Variants in PTPN9 observed in about 807,000 individuals in gnomAD.
The protein encoded by PTPN9 is protein tyrosine phosphatase non-receptor type 9, also known as tyrosine-protein phosphatase non-receptor type 9.
In PTPN9, 26 loss-of-function variants were observed where a neutral mutation model predicts 69.8. That is an observed-to-expected ratio of 0.37 (90% CI 0.27 to 0.52). The LOEUF (loss-of-function observed/expected upper bound fraction) is 0.52. Among genes scored for constraint, PTPN9 ranks in the 20% least tolerant of loss-of-function variants. The probability of loss-of-function intolerance (pLI) is 0.91; values close to 1 mark genes in which losing one functional copy is unlikely to be tolerated. For missense variants in PTPN9, 549 were observed against 740.3 expected, an observed-to-expected ratio of 0.74 and a Z score of 3.00; for synonymous variants, 274 against 272.5, an observed-to-expected ratio of 1.01 and a Z score of -0.05.
At chr15:75,518,994 T>C (rs1475386126) in intron 4 of PTPN9, among the ~76,000 whole-genome samples, 1 of 152,160 alleles carries the variant, frequency 6.6e-6, no homozygotes, top group Non-Finnish European at 1.5e-5. Context: ...AAATGGTCAT[T>C]AGGATAAATT....
intron 11 of PTPN9, 23 bp from the exon 12 acceptor site, chr15:75,470,022 C>A: frequency 6.3e-7 from 1 of 1,583,054 alleles, no homozygotes; most frequent in Non-Finnish European, 8.7e-7. Flanking sequence ...AAGAAGTAAA[C>A]GTTAACAAGG....
intron 1 of PTPN9, among the ~76,000 whole-genome samples, chr15:75,536,572 G>T (rs921513481): frequency 6.6e-6 from 1 of 152,114 alleles, no homozygotes; most frequent in Non-Finnish European, 1.5e-5. Context: ...TCAAATCAGG[G>T]TCATGAAAGA....
intron 7 of PTPN9, among the ~76,000 whole-genome samples, chr15:75,503,586 A>C (rs2074789208): frequency 7.5e-6 from 1 of 133,100 alleles, no homozygotes; most frequent in Non-Finnish European, 1.6e-5. Flanking sequence ...TCCGTCCGGG[A>C]GGGAGGTGGG....
rs993396327 is a variant in PTPN9, at chr15:75,578,807, C to G, written c.-31G>C. ...CGCCACCGCCGCCGGGCGGACAAAA[C>G]TCGCTCGCGAGCGCGGGAGCCCGGC... On this transcript the variant is annotated 5_prime_UTR_variant, in exon 1 of 13. Transcript: ENST00000618819. 1 of 1,213,200 alleles carries G rather than the reference C, an allele frequency of 8.2e-7. No individual in the cohort carries two copies. Among genetic ancestry groups the G allele is most frequent in the Non-Finnish European group, 1.0e-6 (1 of 975,394 alleles). The allele number at this position is 1,213,200 out of a possible 1,614,324, so 75.2% of individuals were successfully genotyped here. A position where few individuals can be genotyped will look rare whatever the true frequency, so the allele number is the denominator to read the frequency against.
chr15:75,568,401 G>A (rs1490038378), intron 1 of PTPN9, among the ~76,000 whole-genome samples: 1 of 151,634 alleles, frequency 6.6e-6, no homozygotes, highest in Non-Finnish European at 1.5e-5. Flanking sequence ...CCAGCTTCTT[G>A]GGAGGCTGAG....
Position 75,524,191 on chromosome 15 carries a change from A to C in PTPN9, c.297+18T>G. The C allele has an allele frequency of 1.3e-6, 2 of 1,496,820 alleles. No individual in the cohort carries two copies. The highest frequency in any genetic ancestry group is 1.8e-6 in the Non-Finnish European group (2 of 1,081,538). 92.7% of individuals were successfully genotyped at this position (1,496,820 alleles called of 1,614,324 possible). On this transcript the variant is annotated intron_variant, in intron 3 of 12. Coordinates refer to ENST00000618819, the MANE Select transcript of PTPN9 (RefSeq NM_002833.4). ...AGGAAGTAATAAGGCCCTACAAGATAGGTCCCTAAACACTCACTAAGATGG... is the reference window on the plus strand; with the variant it reads ...AGGAAGTAATAAGGCCCTACAAGATCGGTCCCTAAACACTCACTAAGATGG...
At chr15:75,562,079 C>G (rs1391355140) in intron 1 of PTPN9, among the ~76,000 whole-genome samples, 1 of 152,146 alleles carries the variant, frequency 6.6e-6, no homozygotes, top group African/African-American at 2.4e-5. Context: ...TCTCAAACTC[C>G]TGGCCTCAGA....
intron 1 of PTPN9, among the ~76,000 whole-genome samples, chr15:75,550,739 G>A (rs1040113532): frequency 7.2e-5 from 11 of 151,994 alleles, no homozygotes; most frequent in South Asian, 4.1e-4. Flanking sequence ...AGCCAAGATC[G>A]CACCACTGCA....
At chr15:75,537,195 T>C (rs1028358108) in intron 1 of PTPN9, among the ~76,000 whole-genome samples, 1 of 150,444 alleles carries the variant, frequency 6.6e-6, no homozygotes, top group African/African-American at 2.5e-5. Flanking sequence ...CTACTAAAAA[T>C]ACAAAACTTA....
At chr15:75,507,401 ATGCCAT>A (rs1241446388) in intron 6 of PTPN9, among the ~76,000 whole-genome samples, 1 of 145,472 alleles carries the variant, frequency 6.9e-6, no homozygotes, top group African/African-American at 2.6e-5. Context: ...AGCCAAGATC[ATGCCAT>A]TGCACTCTAG....
chr15:75,502,859 A>G (rs1236228907), intron 7 of PTPN9, among the ~76,000 whole-genome samples: 6 of 152,310 alleles, frequency 3.9e-5, no homozygotes, highest in African/African-American at 1.4e-4. Context: ...AAAATATCCA[A>G]AAATATGTCC....
intron 10 of PTPN9, among the ~76,000 whole-genome samples, 155 bp downstream of exon 10, chr15:75,473,534 C>T (rs1182040130): frequency 6.6e-6 from 1 of 152,198 alleles, no homozygotes. Flanking sequence ...TTGTGATCCG[C>T]CTGCCTTGGC....
At chr15:75,524,117 T>TA (rs34132149) in intron 3 of PTPN9, 92 bp downstream of exon 3, 53,711 of 329,726 alleles carry the variant, frequency 0.16, 1,862 homozygotes, top group Non-Finnish European at 0.19. Flanking sequence ...ATAATAAAAT[T>TA]AAAAAAAAAA....
At chr15:75,506,187 C>A (rs2074819052) in intron 6 of PTPN9, among the ~76,000 whole-genome samples, 184 bp from the exon 7 acceptor site, 1 of 152,058 alleles carries the variant, frequency 6.6e-6, no homozygotes, top group Admixed American at 6.6e-5. Flanking sequence ...TATGAATTTG[C>A]CAGATAAAAG....
intron 7 of PTPN9, among the ~76,000 whole-genome samples, chr15:75,503,626 C>G (rs2074790233): frequency 2.2e-5 from 3 of 137,760 alleles, no homozygotes; most frequent in Non-Finnish European, 3.2e-5. Context: ...GCCAGCCGCC[C>G]CGTCCGGGAG....
chr15:75,472,389 G>A (rs2074572013), intron 10 of PTPN9, among the ~76,000 whole-genome samples: 1 of 151,952 alleles, frequency 6.6e-6, no homozygotes, highest in South Asian at 2.1e-4. Flanking sequence ...AACCCCGGTG[G>A]GGGCAGAGCC....
intron 6 of PTPN9, among the ~76,000 whole-genome samples, chr15:75,508,506 G>C (rs970034659): frequency 7.9e-5 from 12 of 152,210 alleles, no homozygotes; most frequent in African/African-American, 2.9e-4. Context: ...ATTGAATGAT[G>C]TTTCCAGTTG....
At chr15:75,557,613 T>C (rs1482597539) in intron 1 of PTPN9, among the ~76,000 whole-genome samples, 1 of 152,192 alleles carries the variant, frequency 6.6e-6, no homozygotes, top group African/African-American at 2.4e-5. Flanking sequence ...TGTACCATTT[T>C]ATATTCCTAA....
At chr15:75,475,959 C>T (rs1029282588) in intron 9 of PTPN9, among the ~76,000 whole-genome samples, 1 of 152,088 alleles carries the variant, frequency 6.6e-6, no homozygotes, top group African/African-American at 2.4e-5. Context: ...GGCAACATTG[C>T]AAAACCCTGT....
Sources: allele counts gnomAD v4.1 joint callset (sites outside exome capture counted in the v4.1 genomes callset), GRCh38; gene constraint gnomAD v4.1.1; transcripts MANE v1.5; gene names NCBI Gene and HGNC (gene_info 2026-07-23, HGNC 2026-07-21).